KRT73: variants seen among roughly 807,000 people sequenced by gnomAD.
KRT73 encodes the protein keratin, type II cytoskeletal 73.
In KRT73, 44 loss-of-function variants were observed where a neutral mutation model predicts 47.2. The observed-to-expected ratio is 0.93, with a 90% confidence interval of 0.73 to 1.20. KRT73 has a LOEUF of 1.20. Among genes scored for constraint, KRT73 ranks in the 50% most tolerant of loss-of-function variants. KRT73 has a pLI of 0.00. For synonymous variants in KRT73, 285 were observed against 291.3 expected, an observed-to-expected ratio of 0.98 and a Z score of 0.22; for missense variants, 713 against 704.5, an observed-to-expected ratio of 1.01 and a Z score of -0.14.
At position 52,608,207 on chromosome 12, in the gene KRT73, T is replaced by C. The variant is rs1592240526; in HGVS notation, c.1612A>G (p.Thr538Ala). 1.2e-6 allele frequency: 2 copies of C among 1,609,160 alleles called. No individual in the cohort carries two copies. The highest frequency in any genetic ancestry group is 2.2e-5 in the East Asian group (1 of 44,722). ...GCTGTGTTGCACTTTTATCTCATGG[T>C]TTTTTTGGTGGGTGAGCTTAGAGCT... ...TLALSSPTKK[T>A]MR is the part of the protein sequence containing the mutation. The change falls in exon 9 of 9, where the codon ACC (threonine) becomes GCC (alanine). Residue 538 changes from threonine to alanine, a missense_variant. By Grantham distance (58) the Thr-to-Ala change is moderately conservative. Transcript: ENST00000305748.
chr12:52,613,783 G>T lies in KRT73; in HGVS notation c.889C>A (p.Leu297Met). 3 of 1,614,240 alleles carry T rather than the reference G, an allele frequency of 1.9e-6. No homozygotes were observed. The highest frequency in any genetic ancestry group is 1.1e-5 in the South Asian group (1 of 91,076). ...TCAGCAATGATGCTGTCCAGGTCCA[G>T]GTTCCGGTTGTTGTCCATGGACAGG... The part of the protein sequence containing the change: ...IILSMDNNRN[L>M]DLDSIIAEVR... Residue 297 changes from leucine (L) to methionine (M), a missense_variant, in exon 5 of 9, where the codon CTG becomes ATG. Leu to Met is a conservative substitution (Grantham distance 15). Coordinates refer to ENST00000305748, the MANE Select transcript of KRT73 (RefSeq NM_175068.3).
At chr12:52,617,521 C>A (rs142363940) in intron 1 of KRT73, among the ~76,000 whole-genome samples, 1 of 150,726 alleles carries the variant, frequency 6.6e-6, no homozygotes, top group African/African-American at 2.5e-5. Flanking sequence ...AGCTGCCTTG[C>A]CTCATAGGCT....
At position 52,613,816 on chromosome 12, in the gene KRT73, A is replaced by T. The variant is rs767192016; in HGVS notation, c.856T>A (p.Ser286Thr). 13 of 1,614,062 alleles carry T rather than the reference A, an allele frequency of 8.1e-6. No homozygotes were observed. The South Asian group carries it at 1.4e-4, about 18-fold the overall frequency. ...AQIQSHISDT[S>T]IILSMDNNRN... ...TTGTTGTCCATGGACAGGATGATGG[A>T]CGTGTCGCTGATGTGGGACTGGATC... is the stretch of plus-strand genomic sequence containing the variant. The change falls in exon 5 of 9, where the codon TCC becomes ACC. Residue 286 changes from serine to threonine, a missense_variant. By Grantham distance (58) the Ser-to-Thr change is moderately conservative (BLOSUM62 1). Transcript: ENST00000305748.
In KRT73 at chr12:52,613,653, T is replaced by G. The variant is rs1310815243; in HGVS notation, c.984+35A>C. The G allele has an allele frequency of 1.9e-6, 3 of 1,611,962 alleles. No homozygotes were observed. In the African/African-American group the frequency reaches 4.0e-5, roughly 22 times the overall value. On this transcript the variant is annotated intron_variant, in intron 5 of 8. Transcript: ENST00000305748. ...AGACAGAGTCTGGAGCAGAGGGCCC[T>G]GCATACTTCACTATGGGGAGTTTTG...
chr12:52,614,534 T>C (rs769215115), intron 4 of KRT73, 45 bp downstream of exon 4: 2 of 1,524,730 alleles, frequency 1.3e-6, no homozygotes, highest in East Asian at 4.5e-5. Context: ...CACATATCTG[T>C]CCTTCCAGAA....
intron 2 of KRT73, among the ~76,000 whole-genome samples, chr12:52,615,633 C>T (rs1286805387): frequency 6.6e-6 from 1 of 152,126 alleles, no homozygotes; most frequent in Admixed American, 6.5e-5. Flanking sequence ...AGCATGCCAG[C>T]TACCCCTTTC....
chr12:52,622,669 C>T (rs374532747), upstream of KRT73, among the ~76,000 whole-genome samples: 8 of 152,192 alleles, frequency 5.3e-5, no homozygotes, highest in Admixed American at 2.0e-4. Flanking sequence ...CTCTCCCTTC[C>T]GCTCCTTGCT....
chr12:52,613,105 T>C (rs958098374), intron 5 of KRT73, among the ~76,000 whole-genome samples: 1 of 151,934 alleles, frequency 6.6e-6, no homozygotes, highest in Non-Finnish European at 1.5e-5. Context: ...GAGTGTGGAT[T>C]CCCTTGAGAA....
intron 1 of KRT73, among the ~76,000 whole-genome samples, chr12:52,617,413 C>T (rs1940835303): frequency 6.6e-6 from 1 of 152,138 alleles, no homozygotes; most frequent in Non-Finnish European, 1.5e-5. Context: ...TGGGGTGGAG[C>T]CTGAGAGTGT....
chr12:52,617,588 C>T (rs1339285806), intron 1 of KRT73, among the ~76,000 whole-genome samples: 6 of 152,168 alleles, frequency 3.9e-5, no homozygotes, highest in Non-Finnish European at 8.8e-5. Flanking sequence ...ACAGCTGGGT[C>T]GCATGGCAGT....
chr12:52,608,428 C>T lies in KRT73; in HGVS notation c.1391G>A (p.Gly464Glu). 1.9e-6 allele frequency: 3 copies of T among 1,611,180 alleles called. No homozygotes were observed. The highest frequency in any genetic ancestry group is 2.5e-6 in the Non-Finnish European group (3 of 1,179,768). Residue 464 changes from glycine to glutamate, a missense_variant, in exon 9 of 9, where the codon GGG becomes GAG. By Grantham distance (98) the Gly-to-Glu change is moderately conservative (BLOSUM62 -2). Coordinates refer to ENST00000305748, the MANE Select transcript of KRT73 (RefSeq NM_175068.3). The part of the protein sequence containing the change: ...SISVINSSMA[G>E]MAGTGAGFGF... The stretch of plus-strand genomic sequence containing the variant: ...AAAGCCAGCCCCTGTGCCTGCCATC[C>T]CGGCCATGGAGCTGTTGATGACCGC...
chr12:52,609,378 G>A lies in KRT73; in HGVS notation c.1332-97C>T. ...AGGCTGGGGATCCCCAGCCAGACCA[G>A]CTCAGCCTTCACGCACCCCACACTT... On this transcript the variant is annotated intron_variant, in intron 7 of 8. Transcript: ENST00000305748. 3.9e-6 allele frequency: 4 copies of A among 1,021,674 alleles called. No homozygotes were observed. In the Admixed American group the frequency reaches 6.8e-5, roughly 17 times the overall value. The allele number at this position is 1,021,674 out of a possible 1,614,324, so 63.3% of individuals were successfully genotyped here.
intron 2 of KRT73, 45 bp downstream of exon 2, chr12:52,616,121 C>A (rs1940806473): frequency 6.2e-7 from 1 of 1,609,472 alleles, no homozygotes; most frequent in Non-Finnish European, 8.5e-7. Flanking sequence ...GCTGGGAAAG[C>A]CTCACCCTGG....
At chr12:52,617,168 C>G (rs1940831603) in intron 1 of KRT73, among the ~76,000 whole-genome samples, 1 of 152,152 alleles carries the variant, frequency 6.6e-6, no homozygotes. Flanking sequence ...CCTAGATTGC[C>G]TTTTCCCCAC....
chr12:52,618,135 G>A lies in KRT73; in HGVS notation c.390C>T (p.Ala130=). The A allele has an allele frequency of 1.2e-6, 2 of 1,613,986 alleles. No individual in the cohort carries two copies. The highest frequency in any genetic ancestry group is 1.7e-6 in the Non-Finnish European group (2 of 1,179,940). Residue 130 remains alanine (A), a synonymous_variant, in exon 1 of 9, where the codon GCC becomes GCT. Transcript: ENST00000305748. ...ELDPEIQKVR[A]QEREQIKVLN... is the part of the protein sequence containing the mutation. ...GCACCTTGATCTGCTCCCGCTCCTG[G>A]GCACGCACTTTCTGGATTTCAGGGT... is the stretch of plus-strand genomic sequence containing the variant.
rs1442473981 is a variant in KRT73 at position 52,608,332 on chromosome 12, C to A, written c.1487G>T (p.Gly496Val). The change falls in exon 9 of 9, where the codon GGG becomes GTG. Residue 496 changes from glycine to valine, a missense_variant. Coordinates refer to ENST00000305748, the MANE Select transcript of KRT73 (RefSeq NM_175068.3). The stretch of plus-strand genomic sequence containing the variant: ...GTTCCCACTGCCAGTGACACAGCCC[C>A]CAGGCAGCATGCTGTAGCCCCCGCT... ...SVSGGYSMLP[G>V]GCVTGSGNCS... The A allele has an allele frequency of 3.1e-6, 5 of 1,613,944 alleles. No individual in the cohort carries two copies. The South Asian group carries it at 5.5e-5, about 18-fold the overall frequency.
intron 5 of KRT73, chr12:52,612,854 C>T (rs1166898235): frequency 6.6e-6 from 1 of 152,158 alleles, no homozygotes; most frequent in Non-Finnish European, 1.5e-5. Flanking sequence ...CTCCCTGGGC[C>T]CTACGTTCTT....
upstream of KRT73, among the ~76,000 whole-genome samples, chr12:52,622,899 G>T (rs964830146): frequency 6.6e-6 from 1 of 152,206 alleles, no homozygotes; most frequent in Non-Finnish European, 1.5e-5. Flanking sequence ...AACTGGAAGA[G>T]AGGACAATAA....
At chr12:52,623,114 A>T (rs888962689), upstream of KRT73, among the ~76,000 whole-genome samples, 2 of 152,248 alleles carry the variant, frequency 1.3e-5, no homozygotes, top group Non-Finnish European at 2.9e-5. Context: ...AAAAGACGTA[A>T]ACCCACAGAT....
Sources: gnomAD v4.1 joint callset for allele counts (sites outside exome capture counted in the v4.1 genomes callset) on GRCh38, gnomAD v4.1.1 for gene constraint, MANE v1.5 for transcripts, NCBI Gene and HGNC (gene_info 2026-07-23, HGNC 2026-07-21) for gene names.